The following CACNB4 variants were observed in gnomAD, a reference collection of about 807,000 sequenced individuals.
CACNB4 encodes voltage-dependent L-type calcium channel subunit beta-4.
CACNB4 carries 32 observed loss-of-function variants against 71.2 expected under a neutral mutation model. The observed-to-expected ratio is 0.45, with a 90% confidence interval of 0.34 to 0.60. CACNB4 has a LOEUF of 0.60. CACNB4 is among the 20% of genes least tolerant of loss of function. CACNB4 has a pLI of 0.01. For synonymous variants in CACNB4, 231 were observed against 236.9 expected (o/e 0.97, Z 0.23); for missense variants, 464 against 647.9 (o/e 0.72, Z 3.08).
chr2:151,945,055 T>G (rs1244578297), intron 2 of CACNB4, among the ~76,000 whole-genome samples: 1 of 152,216 alleles, frequency 6.6e-6, no homozygotes, highest in African/African-American at 2.4e-5. Flanking sequence ...GCTTGCACTC[T>G]GGGTTTCTCT....
At chr2:152,057,713 A>G (rs1167314189) in intron 2 of CACNB4, among the ~76,000 whole-genome samples, 1 of 152,230 alleles carries the variant, frequency 6.6e-6, no homozygotes, top group Non-Finnish European at 1.5e-5. Context: ...GCACACGCAC[A>G]GATCTTCAGC....
At position 151,907,475 on chromosome 2, in the gene CACNB4, C is replaced by T. The variant is rs188145654; in HGVS notation, c.148-24105G>A. Among the ~76,000 whole-genome samples the T allele has an allele frequency of 3.7e-4, 56 of 152,194 alleles. No individual in the cohort carries two copies. The Middle Eastern group carries it at 0.017, about 46-fold the overall frequency. ...TCCCATATACCCTTCACCCAGTTTC[C>T]CCTAATGTTAACACCTTACATAACC... is the stretch of plus-strand genomic sequence containing the variant. On this transcript the variant is annotated intron_variant, in intron 2 of 13. Transcript: ENST00000539935.
chr2:151,841,011 T>C (rs781728989), intron 13 of CACNB4, among the ~76,000 whole-genome samples: 35 of 152,352 alleles, frequency 2.3e-4, no homozygotes, highest in Admixed American at 6.5e-4. Flanking sequence ...GAGAACCTCT[T>C]GATCCTGTGT....
At chr2:151,954,654 G>A (rs941681191) in intron 2 of CACNB4, among the ~76,000 whole-genome samples, 1 of 151,998 alleles carries the variant, frequency 6.6e-6, no homozygotes, top group African/African-American at 2.4e-5. Context: ...TAATAACTCT[G>A]ATAATAATAC....
intron 12 of CACNB4, among the ~76,000 whole-genome samples, chr2:151,843,655 C>G (rs1328379885): frequency 6.6e-6 from 1 of 152,144 alleles, no homozygotes; most frequent in Non-Finnish European, 1.5e-5. Flanking sequence ...CCTTTCCCAC[C>G]ACCTTCATCT....
chr2:151,871,955 GC>G (rs2099844751), intron 6 of CACNB4: 3 of 164,174 alleles, frequency 1.8e-5, no homozygotes, highest in African/African-American at 7.2e-5. Context: ...TGTAAACGAG[GC>G]CCTCCCTCCT....
At chr2:151,946,059 T>C (rs2099865510) in intron 2 of CACNB4, among the ~76,000 whole-genome samples, 1 of 152,082 alleles carries the variant, frequency 6.6e-6, no homozygotes, top group South Asian at 2.1e-4. Flanking sequence ...CCAGGTGCGG[T>C]GGCTCACGGC....
At chr2:152,045,762 G>A (rs894425110) in intron 2 of CACNB4, among the ~76,000 whole-genome samples, 4 of 152,016 alleles carry the variant, frequency 2.6e-5, no homozygotes, top group African/African-American at 9.7e-5. Context: ...GAGTTCAGAC[G>A]GTACCTTAGG....
At chr2:151,947,563 G>T (rs1671429709) in intron 2 of CACNB4, among the ~76,000 whole-genome samples, 1 of 152,168 alleles carries the variant, frequency 6.6e-6, no homozygotes, top group East Asian at 1.9e-4. Context: ...GTCCCAAGTG[G>T]CCTGAGAATG....
At chr2:151,852,161 C>T (rs6726094) in intron 12 of CACNB4, 16,285 of 152,142 alleles carry the variant, frequency 0.11, 1,030 homozygotes, top group African/African-American at 0.16. Context: ...TTAGGGAAAT[C>T]GTTTAATGTC....
rs1404356724 is a variant in CACNB4, at chr2:151,876,435, A to G, written c.512T>C (p.Phe171Ser). ...AAAGATGGGAACGTACCCTCCGTGA[A>G]AACGTCCTCTTTTTTGTTCTTGCTG... ...RIQQEQKRGRFHGGKSSGNSS... is the reference protein window; with the variant it reads ...RIQQEQKRGRSHGGKSSGNSS... The change falls in exon 5 of 14, where the codon TTT becomes TCT. Residue 171 changes from phenylalanine (F) to serine (S), a missense_variant. Phe to Ser is a radical substitution (Grantham distance 155). This residue lies in a region of CACNB4 where 299 missense variants were observed against 471.7 expected (regional missense o/e 0.63). Coordinates refer to ENST00000539935, the MANE Select transcript of CACNB4 (RefSeq NM_000726.5). The G allele has an allele frequency of 1.3e-6, 2 of 1,595,164 alleles. No individual in the cohort carries two copies. The highest frequency in any genetic ancestry group is 1.7e-6 in the Non-Finnish European group (2 of 1,168,222).
At chr2:151,933,828 A>C (rs1256671046) in intron 2 of CACNB4, among the ~76,000 whole-genome samples, 1 of 152,206 alleles carries the variant, frequency 6.6e-6, no homozygotes, top group Non-Finnish European at 1.5e-5. Context: ...ATGATGGATA[A>C]GATTTTCTAA....
chr2:151,930,398 A>G (rs942583854), intron 2 of CACNB4, among the ~76,000 whole-genome samples: 10 of 152,232 alleles, frequency 6.6e-5, no homozygotes, highest in South Asian at 2.1e-4. Flanking sequence ...AAAGTATATA[A>G]AACTAAAATT....
chr2:151,886,335 G>A (rs940727132), intron 2 of CACNB4, among the ~76,000 whole-genome samples: 9 of 152,150 alleles, frequency 5.9e-5, no homozygotes, highest in African/African-American at 1.9e-4. Flanking sequence ...CACAAAAAAA[G>A]CAAGCTGCCT....
chr2:151,870,540 T>C lies in CACNB4; in HGVS notation c.690A>G (p.Lys230=), dbSNP rs762265276. 6.2e-7 allele frequency: 1 copy of C among 1,613,056 alleles called. No individual in the cohort carries two copies. Among genetic ancestry groups the C allele is most frequent in the South Asian group, 1.1e-5 (1 of 91,032 alleles). The part of the protein sequence containing the change: ...RPVVLVGPSL[K]GYEVTDMMQK... Reference sequence around the variant, plus strand: ...CAGATGATATTTGTACCTCGTAACCTTTCAGTGACGGCCCCACTAACACCA... The same window carrying C: ...CAGATGATATTTGTACCTCGTAACCCTTCAGTGACGGCCCCACTAACACCA... The change falls in exon 8 of 14, where the codon AAA becomes AAG. Residue 230 remains lysine, a synonymous_variant. Transcript: ENST00000539935.
intron 2 of CACNB4, among the ~76,000 whole-genome samples, chr2:151,906,484 CTCTA>C (rs1295474575): frequency 6.6e-6 from 1 of 152,178 alleles, no homozygotes; most frequent in Non-Finnish European, 1.5e-5. Flanking sequence ...AGAGCAGTTA[CTCTA>C]TCTATGAAGC....
At chr2:151,849,808 G>C (rs2099838560) in intron 12 of CACNB4, among the ~76,000 whole-genome samples, 1 of 152,138 alleles carries the variant, frequency 6.6e-6, no homozygotes, top group Non-Finnish European at 1.5e-5. Flanking sequence ...GAGTTTTGGG[G>C]ATTATTTTAT....
chr2:151,851,511 A>G (rs1394360030), intron 12 of CACNB4: 1 of 152,212 alleles, frequency 6.6e-6, no homozygotes, highest in Non-Finnish European at 1.5e-5. Context: ...TACAAGTCCT[A>G]AGGTAGCTCA....
At position 151,921,564 on chromosome 2, in the gene CACNB4, C is replaced by T. The variant is rs529081500; in HGVS notation, c.148-38194G>A. ...AGCAGGACTGTGTTCCTTCTGGAGG[C>T]TCTAAGGGAGGATCTGTTTCCTGGC... On this transcript the variant is annotated intron_variant, in intron 2 of 13. Transcript: ENST00000539935. 2.6e-5 allele frequency among the ~76,000 whole-genome samples: 4 copies of T among 152,328 alleles called. No individual in the cohort carries two copies. The East Asian group carries it at 7.7e-4, about 29-fold the overall frequency.
Sources: gnomAD v4.1 joint callset for allele counts (sites outside exome capture counted in the v4.1 genomes callset) on GRCh38, gnomAD v4.1.1 for gene constraint, gnomAD v4.1.1 regional missense constraint, MANE v1.5 for transcripts, NCBI Gene and HGNC (gene_info 2026-07-23, HGNC 2026-07-21) for gene names.